Variants in NTM observed in about 807,000 individuals in gnomAD.
NTM encodes the protein IgLON family member 2.
A neutral mutation model predicts 42.1 loss-of-function variants in NTM; 13 were observed. The ratio of observed to expected loss-of-function variants is 0.31; its 90% confidence interval spans 0.20 to 0.49. The LOEUF (loss-of-function observed/expected upper bound fraction) is 0.49, where lower values mean the gene tolerates loss of function less well. Among genes scored for constraint, NTM ranks in the 20% least tolerant of loss-of-function variants. The probability of loss-of-function intolerance (pLI) is 0.99; values close to 1 mark genes in which losing one functional copy is unlikely to be tolerated. For missense variants in NTM, 373 were observed against 452.8 expected (o/e 0.82, Z 1.60); for synonymous variants, 187 against 179.2 (o/e 1.04, Z -0.35).
intron 2 of NTM, among the ~76,000 whole-genome samples, chr11:132,049,043 G>T (rs911046240): frequency 6.6e-6 from 1 of 151,774 alleles, no homozygotes; most frequent in African/African-American, 2.4e-5. Context: ...AGGGAATTTC[G>T]ATTTTTCAGA....
intron 7 of NTM, among the ~76,000 whole-genome samples, chr11:132,316,850 A>ATTTG (rs570836616): frequency 2.6e-5 from 4 of 152,168 alleles, no homozygotes; most frequent in South Asian, 4.1e-4. Flanking sequence ...ACAAATATGA[A>ATTTG]TTTGTTTGTT....
rs1009356468 is a variant in NTM, at chr11:131,977,194, G to C, written c.167+65546G>C. Among the ~76,000 whole-genome samples the C allele has an allele frequency of 3.9e-5, 6 of 152,226 alleles. 1 individual carries two copies. Among genetic ancestry groups the C allele is most frequent in the African/African-American group, 1.4e-4 (6 of 41,458 alleles). The stretch of plus-strand genomic sequence containing the variant: ...CTCACCAGTGCCATTTGGTAAAGTT[G>C]GGGAATGGTAAGATAGTTCGCTGCA... On this transcript the variant is annotated intron_variant, in intron 2 of 8. Coordinates refer to ENST00000683400, the MANE Select transcript of NTM (RefSeq NM_001352005.2).
chr11:132,000,282 C>T (rs2135271020), intron 2 of NTM, among the ~76,000 whole-genome samples: 1 of 152,324 alleles, frequency 6.6e-6, no homozygotes, highest in African/African-American at 2.4e-5. Context: ...ATCTGACACT[C>T]CTTTGTCAAT....
At chr11:131,466,626 A>G (rs1290914335) in intron 1 of NTM, among the ~76,000 whole-genome samples, 2 of 152,152 alleles carry the variant, frequency 1.3e-5, no homozygotes, top group East Asian at 3.9e-4. Context: ...CGCACAAGTT[A>G]TATGTATTAA....
At chr11:132,085,518 A>G (rs889509975) in intron 2 of NTM, among the ~76,000 whole-genome samples, 6 of 152,214 alleles carry the variant, frequency 3.9e-5, no homozygotes, top group African/African-American at 1.4e-4. Context: ...TAGACCACCT[A>G]TTTACATTTT....
intron 1 of NTM, among the ~76,000 whole-genome samples, chr11:131,405,074 G>C (rs1057095824): frequency 4.7e-4 from 71 of 152,196 alleles, no homozygotes; most frequent in African/African-American, 1.6e-3. Flanking sequence ...TTTTTTTGTT[G>C]AGACACATGA....
At chr11:131,597,848 A>C (rs546640735) in intron 1 of NTM, among the ~76,000 whole-genome samples, 27 of 141,910 alleles carry the variant, frequency 1.9e-4, no homozygotes, top group African/African-American at 7.2e-4. Context: ...CTTTAGGAAA[A>C]GTTCACCCAG....
chr11:131,672,910 G>A (rs1463441317), intron 1 of NTM, among the ~76,000 whole-genome samples: 1 of 95,176 alleles, frequency 1.1e-5, no homozygotes, highest in Non-Finnish European at 2.2e-5. Context: ...CCACGGTGCC[G>A]GGGTGGGGGT....
chr11:131,556,854 C>T (rs556032740), intron 1 of NTM, among the ~76,000 whole-genome samples: 7 of 152,306 alleles, frequency 4.6e-5, no homozygotes, highest in African/African-American at 1.4e-4. Flanking sequence ...GCGTGAGCCA[C>T]CGCACCCAGC....
chr11:131,991,533 A>G (rs2067022962), intron 2 of NTM, among the ~76,000 whole-genome samples: 1 of 152,056 alleles, frequency 6.6e-6, no homozygotes, highest in Non-Finnish European at 1.5e-5. Context: ...CATATCCTTC[A>G]TTTTAAGTCA....
chr11:132,172,203 G>A (rs956758051), intron 3 of NTM, among the ~76,000 whole-genome samples: 3 of 152,192 alleles, frequency 2.0e-5, no homozygotes, highest in African/African-American at 7.2e-5. Flanking sequence ...TACATGATGC[G>A]ATTTATGTCT....
chr11:131,506,091 T>C (rs2047455809), intron 1 of NTM, among the ~76,000 whole-genome samples: 1 of 151,962 alleles, frequency 6.6e-6, no homozygotes, highest in Admixed American at 6.6e-5. Flanking sequence ...ATGTAAGAGG[T>C]TGTAAGGGAA....
intron 2 of NTM, among the ~76,000 whole-genome samples, chr11:131,925,218 T>C (rs2057775239): frequency 1.3e-5 from 2 of 152,126 alleles, no homozygotes; most frequent in Non-Finnish European, 2.9e-5. Context: ...TGGAGGTCAC[T>C]TATTTAGTTT....
At chr11:132,170,300 A>G (rs997726054) in intron 3 of NTM, among the ~76,000 whole-genome samples, 2 of 152,176 alleles carry the variant, frequency 1.3e-5, no homozygotes, top group African/African-American at 4.8e-5. Context: ...TCTTCCTCCA[A>G]TTCCATTTCC....
intron 4 of NTM, among the ~76,000 whole-genome samples, chr11:132,225,800 T>A (rs1427588216): frequency 4.6e-5 from 7 of 152,320 alleles, no homozygotes; most frequent in African/African-American, 1.7e-4. Flanking sequence ...CCATGGTGGT[T>A]TGCTGAACCC....
At chr11:131,424,404 C>A (rs573202342) in intron 1 of NTM, among the ~76,000 whole-genome samples, 6 of 151,870 alleles carry the variant, frequency 4.0e-5, no homozygotes, top group Non-Finnish European at 8.8e-5. Context: ...ATTTCAGTTT[C>A]TCAGGGATGT....
chr11:132,125,302 TG>T (rs1362505840), intron 2 of NTM, among the ~76,000 whole-genome samples: 12 of 151,576 alleles, frequency 7.9e-5, no homozygotes, highest in Admixed American at 3.9e-4. Flanking sequence ...TGTGTGTGTG[TG>T]TGGTGTGGTA....
intron 1 of NTM, among the ~76,000 whole-genome samples, chr11:131,905,345 G>A (rs1361392364): frequency 2.0e-5 from 3 of 152,070 alleles, no homozygotes; most frequent in Non-Finnish European, 4.4e-5. Context: ...AACACACAAT[G>A]TCGATGGCAT....
At chr11:132,072,095 C>T (rs767800025) in intron 2 of NTM, among the ~76,000 whole-genome samples, 4 of 152,100 alleles carry the variant, frequency 2.6e-5, no homozygotes, top group Admixed American at 6.6e-5. Flanking sequence ...GTCAATGACT[C>T]GATAGAGGAA....
Sources: gnomAD v4.1 joint callset for allele counts (sites outside exome capture counted in the v4.1 genomes callset) on GRCh38, gnomAD v4.1.1 for gene constraint, MANE v1.5 for transcripts, NCBI Gene and HGNC (gene_info 2026-07-23, HGNC 2026-07-21) for gene names.